Variants in CRPPA observed in about 807,000 individuals in gnomAD.
The protein encoded by CRPPA is D-ribitol-5-phosphate cytidylyltransferase.
CRPPA carries 43 observed loss-of-function variants against 52.0 expected under a neutral mutation model. That is an observed-to-expected ratio of 0.83 (90% CI 0.65 to 1.07). CRPPA has a LOEUF of 1.07. Ranked by LOEUF, CRPPA falls within the 50% of genes least tolerant of loss-of-function variation. CRPPA has a pLI of 0.00. For missense variants in CRPPA, 629 were observed against 551.7 expected, an observed-to-expected ratio of 1.14 and a Z score of -1.40; for synonymous variants, 250 against 203.5, an observed-to-expected ratio of 1.23 and a Z score of -1.94.
At chr7:16,344,093 C>G (rs1475201609) in intron 3 of CRPPA, among the ~76,000 whole-genome samples, 1 of 152,068 alleles carries the variant, frequency 6.6e-6, no homozygotes, top group Admixed American at 6.6e-5. Context: ...AAAATTAACA[C>G]TAAATCCTAG....
chr7:16,269,169 T>G (rs1022192737), intron 6 of CRPPA: 24 of 152,270 alleles, frequency 1.6e-4, no homozygotes, highest in Non-Finnish European at 3.1e-4. Context: ...ATCTGACTCC[T>G]TCCATCTCCA....
intron 8 of CRPPA, among the ~76,000 whole-genome samples, chr7:16,244,048 C>G (rs1466765302): frequency 6.6e-6 from 1 of 152,068 alleles, no homozygotes; most frequent in African/African-American, 2.4e-5. Context: ...ATACAAAAAG[C>G]TTAATTTTGC....
intron 9 of CRPPA, among the ~76,000 whole-genome samples, chr7:16,116,675 A>AAAGAAAGGAAAGGGAAGGGAAG (rs6150004): frequency 2.1e-5 from 2 of 96,640 alleles, no homozygotes; most frequent in African/African-American, 3.5e-5. Context: ...AAAAAAAAAA[A>AAAGAAAGGAAAGGGAAGGGAAG]GGAAAGGAAA....
intron 8 of CRPPA, among the ~76,000 whole-genome samples, chr7:16,235,308 T>C (rs1030021199): frequency 1.3e-5 from 2 of 152,168 alleles, no homozygotes; most frequent in East Asian, 1.9e-4. Context: ...AACACGTAAG[T>C]CAGTGTATGA....
chr7:16,347,267 C>T (rs1054868629), intron 3 of CRPPA, among the ~76,000 whole-genome samples: 1 of 152,122 alleles, frequency 6.6e-6, no homozygotes, highest in African/African-American at 2.4e-5. Context: ...AGTTCTATGA[C>T]TCTATTACTG....
At chr7:16,384,231 G>A (rs1185376771) in intron 2 of CRPPA, among the ~76,000 whole-genome samples, 1 of 152,156 alleles carries the variant, frequency 6.6e-6, no homozygotes, top group Non-Finnish European at 1.5e-5. Flanking sequence ...TGTGAGAGTA[G>A]AGAGCTATGA....
chr7:16,377,990 TC>T (rs1786944218), intron 2 of CRPPA, among the ~76,000 whole-genome samples: 1 of 152,248 alleles, frequency 6.6e-6, no homozygotes, highest in Admixed American at 6.5e-5. Context: ...ACCAGAGTCT[TC>T]TACTGCCCTC....
At chr7:16,200,075 C>G (rs1781817600) in intron 9 of CRPPA, among the ~76,000 whole-genome samples, 1 of 152,042 alleles carries the variant, frequency 6.6e-6, no homozygotes, top group African/African-American at 2.4e-5. Context: ...CCAGGTTGGT[C>G]TCAAACTCCT....
intron 9 of CRPPA, among the ~76,000 whole-genome samples, chr7:16,161,694 G>C (rs1780892415): frequency 6.6e-6 from 1 of 152,070 alleles, no homozygotes; most frequent in South Asian, 2.1e-4. Flanking sequence ...GATGATGCTG[G>C]ACTCACAAAA....
At chr7:16,251,023 A>G (rs1305511662) in intron 8 of CRPPA, among the ~76,000 whole-genome samples, 2 of 152,046 alleles carry the variant, frequency 1.3e-5, no homozygotes, top group Non-Finnish European at 2.9e-5. Context: ...ATAAAAGGAT[A>G]GATGAAGATT....
intron 6 of CRPPA, among the ~76,000 whole-genome samples, chr7:16,263,082 A>G (rs781186480): frequency 4.1e-4 from 63 of 152,188 alleles, no homozygotes; most frequent in Non-Finnish European, 6.5e-4. Context: ...AAAGGCAAGT[A>G]TTCCCTAACC....
At chr7:16,393,873 T>G (rs767579081) in intron 2 of CRPPA, among the ~76,000 whole-genome samples, 1 of 151,972 alleles carries the variant, frequency 6.6e-6, no homozygotes, top group Non-Finnish European at 1.5e-5. Context: ...AGCTTAAAAA[T>G]AAAAATAGGG....
intron 9 of CRPPA, among the ~76,000 whole-genome samples, chr7:16,176,734 A>G (rs1781305585): frequency 1.5e-5 from 2 of 133,928 alleles, no homozygotes; most frequent in East Asian, 2.2e-4. Flanking sequence ...GCACCACCAT[A>G]CCTGGCAAAA....
intron 8 of CRPPA, among the ~76,000 whole-genome samples, chr7:16,218,176 A>T (rs1457230811): frequency 6.6e-6 from 1 of 151,318 alleles, no homozygotes; most frequent in Non-Finnish European, 1.5e-5. Context: ...CCAGAATTTC[A>T]TATCCAGCCA....
chr7:16,393,459 G>A (rs536508591), intron 2 of CRPPA, among the ~76,000 whole-genome samples: 6 of 152,172 alleles, frequency 3.9e-5, no homozygotes, highest in African/African-American at 1.2e-4. Flanking sequence ...ATATATGACA[G>A]AAGTGGCAGT....
chr7:16,382,601 C>T (rs1347737468), intron 2 of CRPPA, among the ~76,000 whole-genome samples: 3 of 151,974 alleles, frequency 2.0e-5, no homozygotes, highest in Admixed American at 2.0e-4. Context: ...CAACTTGGTT[C>T]CATTCTCCCC....
intron 9 of CRPPA, among the ~76,000 whole-genome samples, chr7:16,171,334 T>A (rs933262089): frequency 1.3e-5 from 2 of 152,246 alleles, no homozygotes; most frequent in Non-Finnish European, 2.9e-5. Flanking sequence ...TTACTTTTTT[T>A]AATACTACTT....
At chr7:16,154,216 T>C (rs1783130309) in intron 9 of CRPPA, among the ~76,000 whole-genome samples, 1 of 151,970 alleles carries the variant, frequency 6.6e-6, no homozygotes, top group Admixed American at 6.6e-5. Flanking sequence ...ACTGAGTAAG[T>C]TTTCAATTTT....
intron 8 of CRPPA, among the ~76,000 whole-genome samples, chr7:16,242,245 C>T (rs374902305): frequency 4.6e-5 from 7 of 151,946 alleles, no homozygotes; most frequent in East Asian, 3.9e-4. Flanking sequence ...TGAGACACCG[C>T]GCCCAGCCAA....
Sources: allele counts gnomAD v4.1 joint callset (sites outside exome capture counted in the v4.1 genomes callset), GRCh38; gene constraint gnomAD v4.1.1; transcripts MANE v1.5; gene names NCBI Gene and HGNC (gene_info 2026-07-23, HGNC 2026-07-21).